Variants in LRP1B observed in about 807,000 individuals in gnomAD.
LRP1B encodes the protein LDL receptor related protein 1B.
A neutral mutation model predicts 556.6 loss-of-function variants in LRP1B; 217 were observed. The ratio of observed to expected loss-of-function variants is 0.39; its 90% CI spans 0.35 to 0.44. The LOEUF is 0.44. Among genes scored for constraint, LRP1B ranks in the 20% least tolerant of loss-of-function variants. The probability of loss-of-function intolerance (pLI) is 1.00; values close to 1 mark genes in which losing one functional copy is unlikely to be tolerated. For missense variants in LRP1B, 5,053 were observed against 5,620.8 expected (o/e 0.90, Z 3.23); for synonymous variants, 2,047 against 1,865.8 (o/e 1.10, Z -2.50).
intron 3 of LRP1B, among the ~76,000 whole-genome samples, chr2:141,462,006 G>C (rs999012848): frequency 2.0e-5 from 3 of 152,148 alleles, no homozygotes; most frequent in African/African-American, 7.2e-5. Flanking sequence ...CCATTTTCCT[G>C]CCTTTTGGCT....
chr2:140,905,271 A>G (rs1694217849), intron 22 of LRP1B, among the ~76,000 whole-genome samples: 1 of 151,946 alleles, frequency 6.6e-6, no homozygotes, highest in Non-Finnish European at 1.5e-5. Flanking sequence ...ACAGACTTGA[A>G]CAATCCCTAG....
rs186571401 is a variant in LRP1B, at chr2:142,029,000, A to T, written c.82+101648T>A. 3.4e-3 allele frequency among the ~76,000 whole-genome samples: 510 copies of T among 151,814 alleles called. 5 individuals are homozygous for T. The highest frequency in any genetic ancestry group is 0.012 in the African/African-American group (494 of 41,456). On this transcript the variant is annotated intron_variant, in intron 1 of 90. Transcript: ENST00000389484. ...ATGTTCAAATCTTTGCCTGTTTTTT[A>T]CTGGATTGCTTTCTTATTGTTGACA... is the stretch of plus-strand genomic sequence containing the variant.
chr2:140,717,478 T>C (rs1687252956), intron 35 of LRP1B, among the ~76,000 whole-genome samples: 1 of 152,100 alleles, frequency 6.6e-6, no homozygotes, highest in South Asian at 2.1e-4. Flanking sequence ...AATTGTTCTA[T>C]GTGATCACAG....
chr2:141,841,726 G>A (rs1697479347), intron 1 of LRP1B, among the ~76,000 whole-genome samples: 1 of 152,178 alleles, frequency 6.6e-6, no homozygotes, highest in Admixed American at 6.5e-5. Flanking sequence ...TGTTCAGCTA[G>A]TAGGTGATGT....
At chr2:141,473,097 T>C (rs142532528) in intron 3 of LRP1B, among the ~76,000 whole-genome samples, 1 of 152,342 alleles carries the variant, frequency 6.6e-6, no homozygotes, top group Non-Finnish European at 1.5e-5. Context: ...ACTTGAATTC[T>C]AAGTCTCTTT....
chr2:142,125,036 GAGAA>G (rs1389186944), intron 1 of LRP1B, among the ~76,000 whole-genome samples: 1 of 151,752 alleles, frequency 6.6e-6, no homozygotes, highest in African/African-American at 2.4e-5. Context: ...AAAGGATGGA[GAGAA>G]AGAGAGATGG....
At chr2:141,460,402 T>C (rs1681817545) in intron 3 of LRP1B, among the ~76,000 whole-genome samples, 2 of 152,108 alleles carry the variant, frequency 1.3e-5, no homozygotes, top group South Asian at 2.1e-4. Flanking sequence ...CTTGGAAGAA[T>C]TGGCAATTAT....
At chr2:141,132,337 G>C (rs1332627475) in intron 7 of LRP1B, among the ~76,000 whole-genome samples, 1 of 151,832 alleles carries the variant, frequency 6.6e-6, no homozygotes, top group Non-Finnish European at 1.5e-5. Flanking sequence ...TCAGGGGAAT[G>C]GATTAGTTCC....
chr2:141,018,527 TGA>T (rs931894639), intron 12 of LRP1B, among the ~76,000 whole-genome samples: 1 of 152,090 alleles, frequency 6.6e-6, no homozygotes, highest in Non-Finnish European at 1.5e-5. Flanking sequence ...CTAAATTTGA[TGA>T]GAGAGATGGA....
intron 2 of LRP1B, among the ~76,000 whole-genome samples, chr2:141,562,528 T>A (rs539995345): frequency 1.3e-5 from 2 of 151,944 alleles, no homozygotes; most frequent in Admixed American, 6.6e-5. Flanking sequence ...ATACTTAATA[T>A]TATCTCTGGC....
chr2:140,603,776 C>T (rs972317648), intron 41 of LRP1B, among the ~76,000 whole-genome samples: 1 of 151,956 alleles, frequency 6.6e-6, no homozygotes, highest in Admixed American at 6.6e-5. Context: ...TGATCTGTTG[C>T]TACATTTTAA....
chr2:141,208,122 T>C (rs1353914199), intron 6 of LRP1B: 1 of 152,260 alleles, frequency 6.6e-6, no homozygotes, highest in African/African-American at 2.4e-5. Context: ...ACTGAGAATG[T>C]CTTTTATCTT....
intron 20 of LRP1B, among the ~76,000 whole-genome samples, chr2:140,923,604 C>T (rs1212130825): frequency 6.6e-6 from 1 of 151,694 alleles, no homozygotes; most frequent in African/African-American, 2.4e-5. Flanking sequence ...AGCAAATAAC[C>T]AAAAACTAGT....
At chr2:141,281,280 C>T (rs980025539) in intron 3 of LRP1B, among the ~76,000 whole-genome samples, 7 of 151,820 alleles carry the variant, frequency 4.6e-5, no homozygotes, top group African/African-American at 1.7e-4. Context: ...ATTAGTTTTA[C>T]TTATTACATG....
chr2:141,301,505 T>C (rs2105430564), intron 3 of LRP1B, among the ~76,000 whole-genome samples: 1 of 152,300 alleles, frequency 6.6e-6, no homozygotes, highest in South Asian at 2.1e-4. Context: ...GAAATCTAAT[T>C]CTATTCCATA....
At chr2:140,746,964 T>TA (rs577872881) in intron 35 of LRP1B, among the ~76,000 whole-genome samples, 2 of 152,008 alleles carry the variant, frequency 1.3e-5, no homozygotes, top group Non-Finnish European at 1.5e-5. Flanking sequence ...CCTAATGTAT[T>TA]AAAAAAACAT....
rs1325945037 is a variant in LRP1B, at chr2:140,707,724, CA to C, written c.6024-5172del. Among the ~76,000 whole-genome samples the C allele has an allele frequency of 3.9e-5, 6 of 152,160 alleles. No individual in the cohort carries two copies. In the East Asian group the frequency reaches 1.2e-3, roughly 29 times the overall value. On this transcript the variant is annotated intron_variant, in intron 37 of 90. Coordinates refer to ENST00000389484, the MANE Select transcript of LRP1B (RefSeq NM_018557.3). ...CTCTTTTTCTGTGAGGCCTTATTCA[CA>C]TTTTCTTTTTCTTCATTTACGTACA...
At chr2:142,087,119 C>A (rs567011314) in intron 1 of LRP1B, among the ~76,000 whole-genome samples, 1 of 152,204 alleles carries the variant, frequency 6.6e-6, no homozygotes, top group South Asian at 2.1e-4. Flanking sequence ...TAATATGAAG[C>A]CCCTGTAGTT....
At chr2:140,653,913 T>C (rs1684776211) in intron 41 of LRP1B, among the ~76,000 whole-genome samples, 1 of 149,578 alleles carries the variant, frequency 6.7e-6, no homozygotes, top group Admixed American at 6.8e-5. Context: ...TAATCCCAGC[T>C]ACTTGGGAGG....
Sources: allele counts gnomAD v4.1 joint callset (sites outside exome capture counted in the v4.1 genomes callset), GRCh38; gene constraint gnomAD v4.1.1; transcripts MANE v1.5; gene names NCBI Gene and HGNC (gene_info 2026-07-23, HGNC 2026-07-21).